PBX4: variants seen among roughly 807,000 people sequenced by gnomAD.
PBX4 encodes the protein PBX homeobox 4.
PBX4 carries 26 observed loss-of-function variants against 35.1 expected under a neutral mutation model. The observed-to-expected ratio is 0.74, with a 90% CI of 0.54 to 1.03. PBX4 has a LOEUF of 1.03. Ranked by LOEUF, PBX4 falls within the 50% of genes least tolerant of loss-of-function variation. The pLI is 0.00. For synonymous variants in PBX4, 199 were observed against 204.2 expected (o/e 0.97, Z 0.22); for missense variants, 448 against 504.3 (o/e 0.89, Z 1.07).
chr19:19,581,774 G>A (rs1167099705), intron 2 of PBX4, among the ~76,000 whole-genome samples: 1 of 152,224 alleles, frequency 6.6e-6, no homozygotes, highest in African/African-American at 2.4e-5. Context: ...CCCAGGTCAT[G>A]CGGTGCTGCC....
chr19:19,612,144 C>T (rs2061665991), intron 1 of PBX4, among the ~76,000 whole-genome samples: 1 of 151,696 alleles, frequency 6.6e-6, no homozygotes, highest in Non-Finnish European at 1.5e-5. Flanking sequence ...GTGGTGCATA[C>T]CTGTACACAC....
chr19:19,567,010 A>G (rs1349928816), intron 5 of PBX4, among the ~76,000 whole-genome samples: 1 of 152,200 alleles, frequency 6.6e-6, no homozygotes, highest in African/African-American at 2.4e-5. Context: ...TGCCTGGCCA[A>G]CATTTGGTGT....
At chr19:19,569,407 C>T in intron 5 of PBX4, 42 bp downstream of exon 5, 1 of 1,580,096 alleles carries the variant, frequency 6.3e-7, no homozygotes, top group South Asian at 1.2e-5. Context: ...TAGTCATCCA[C>T]TCCTCCCAGG....
intron 6 of PBX4, 39 bp downstream of exon 6, chr19:19,564,894 A>G (rs775835101): frequency 1.2e-6 from 2 of 1,613,690 alleles, no homozygotes; most frequent in Non-Finnish European, 8.5e-7. Flanking sequence ...GGCCGTCCAC[A>G]TGGGTACAGA....
At chr19:19,615,403 C>T (rs1568401841) in intron 1 of PBX4, among the ~76,000 whole-genome samples, 1 of 150,706 alleles carries the variant, frequency 6.6e-6, no homozygotes, top group African/African-American at 2.4e-5. Flanking sequence ...ATTTCTCAAA[C>T]AGAGCATCTG....
At chr19:19,586,960 A>AAGAAAG (rs1471540955) in intron 2 of PBX4, among the ~76,000 whole-genome samples, 1 of 151,826 alleles carries the variant, frequency 6.6e-6, no homozygotes, top group Non-Finnish European at 1.5e-5. Context: ...GAAAAAGAAA[A>AAGAAAG]ACAGCACTCA....
At chr19:19,609,803 A>T (rs1005440122) in intron 1 of PBX4, among the ~76,000 whole-genome samples, 12 of 152,108 alleles carry the variant, frequency 7.9e-5, no homozygotes, top group Non-Finnish European at 1.8e-4. Context: ...GTGAGCCGAG[A>T]TTGCGCCACC....
At chr19:19,580,171 G>A (rs570570839) in intron 2 of PBX4, among the ~76,000 whole-genome samples, 7 of 152,326 alleles carry the variant, frequency 4.6e-5, no homozygotes, top group South Asian at 2.1e-4. Context: ...GCCTGCCCTC[G>A]GGCCCACCCA....
At chr19:19,606,043 G>C (rs1432948333) in intron 1 of PBX4, among the ~76,000 whole-genome samples, 2 of 152,086 alleles carry the variant, frequency 1.3e-5, no homozygotes, top group African/African-American at 4.8e-5. Context: ...TGAGGAAAAG[G>C]GGACTGACTA....
intron 2 of PBX4, among the ~76,000 whole-genome samples, chr19:19,587,764 T>A (rs936909654): frequency 6.6e-6 from 1 of 151,342 alleles, no homozygotes; most frequent in Admixed American, 6.6e-5. Context: ...AAAATATTAT[T>A]TCTTTTTAGA....
rs2061366708 is a variant in PBX4, at chr19:19,569,509, A to G, written c.708T>C (p.Pro236=). ...NEYFYSHLNN[P]YPSEEAKEEL... is the part of the protein sequence containing the mutation. ...CTTCTTTGGCTTCTTCGCTGGGGTA[A>G]GGGTTGTTCAGATGGGAGTAAAAAT... Residue 236 remains proline (P), a synonymous_variant, in exon 5 of 8, where the codon CCT becomes CCC. Coordinates refer to ENST00000251203, the MANE Select transcript of PBX4 (RefSeq NM_025245.3). 6.2e-7 allele frequency: 1 copy of G among 1,613,700 alleles called. No individual in the cohort carries two copies. The highest frequency in any genetic ancestry group is 1.3e-5 in the African/African-American group (1 of 74,910).
chr19:19,607,700 A>G (rs1238574255), intron 1 of PBX4, among the ~76,000 whole-genome samples: 1 of 152,184 alleles, frequency 6.6e-6, no homozygotes, highest in Non-Finnish European at 1.5e-5. Context: ...CATAATCCAC[A>G]TTCTGGTATC....
chr19:19,584,613 C>A (rs2061476930), intron 2 of PBX4, among the ~76,000 whole-genome samples: 2 of 151,666 alleles, frequency 1.3e-5, no homozygotes, highest in East Asian at 3.9e-4. Flanking sequence ...TCTGACATGA[C>A]CAAGGGCTGG....
intron 6 of PBX4, 72 bp downstream of exon 6, chr19:19,564,861 G>A: frequency 6.3e-7 from 1 of 1,580,580 alleles, no homozygotes; most frequent in Non-Finnish European, 8.7e-7. Flanking sequence ...GTCCCACTGT[G>A]GCCTCCCCAG....
rs377023999 is a variant in PBX4, at chr19:19,570,799, G to C, written c.228C>G (p.Pro76=). 15 of 1,614,078 alleles carry C rather than the reference G, an allele frequency of 9.3e-6. No individual in the cohort carries two copies. The highest frequency in any genetic ancestry group is 8.9e-5 in the East Asian group (4 of 44,880). ...CCAGCCTCAGGAGCTGGGCGTCAGG[G>C]GGATCTTCGTCTTGAATGCCACGGA... ...VSIRGIQDED[P]PDAQLLRLDN... Residue 76 remains proline (P), a synonymous_variant, in exon 3 of 8, where the codon CCC becomes CCG. Transcript: ENST00000251203.
chr19:19,617,275 C>G (rs921172370), intron 1 of PBX4, among the ~76,000 whole-genome samples: 1 of 152,058 alleles, frequency 6.6e-6, no homozygotes, highest in African/African-American at 2.4e-5. Flanking sequence ...TGGGAGGCAG[C>G]TGGGATTACC....
chr19:19,612,874 A>G (rs1473734837), intron 1 of PBX4, among the ~76,000 whole-genome samples: 3 of 151,588 alleles, frequency 2.0e-5, no homozygotes, highest in Non-Finnish European at 4.4e-5. Context: ...GCTGGAGTGC[A>G]GTGGCACGAT....
At chr19:19,595,168 C>T (rs2061553833) in intron 2 of PBX4, among the ~76,000 whole-genome samples, 1 of 152,190 alleles carries the variant, frequency 6.6e-6, no homozygotes, top group Admixed American at 6.5e-5. Context: ...ACTTGGGCTG[C>T]CTGTGCCTAT....
At chr19:19,602,260 A>T (rs73004962) in intron 1 of PBX4, among the ~76,000 whole-genome samples, 14,216 of 152,186 alleles carry the variant, frequency 0.093, 718 homozygotes, top group South Asian at 0.15. Context: ...TAAATAAATA[A>T]ATGAATAAAG....
Sources: allele counts gnomAD v4.1 joint callset (sites outside exome capture counted in the v4.1 genomes callset), GRCh38; gene constraint gnomAD v4.1.1; transcripts MANE v1.5; gene names NCBI Gene and HGNC (gene_info 2026-07-23, HGNC 2026-07-21).